SIPA1L2: variants seen among roughly 807,000 people sequenced by gnomAD.
The protein encoded by SIPA1L2 is signal-induced proliferation-associated 1-like protein 2.
In SIPA1L2, 56 loss-of-function variants were observed where a neutral mutation model predicts 163.9. The ratio of observed to expected loss-of-function variants is 0.34; its 90% CI spans 0.28 to 0.43. The LOEUF (loss-of-function observed/expected upper bound fraction) is 0.43. Ranked by LOEUF, SIPA1L2 falls within the 20% of genes least tolerant of loss-of-function variation. The probability of loss-of-function intolerance (pLI) is 1.00; values close to 1 mark genes in which losing one functional copy is unlikely to be tolerated. For missense variants in SIPA1L2, 1,974 were observed against 2,193.5 expected, an observed-to-expected ratio of 0.90 and a Z score of 2.00; for synonymous variants, 877 against 865.7, an observed-to-expected ratio of 1.01 and a Z score of -0.23.
chr1:232,510,097 G>A (rs1478591633), intron 3 of SIPA1L2, among the ~76,000 whole-genome samples: 2 of 152,076 alleles, frequency 1.3e-5, no homozygotes, highest in African/African-American at 4.8e-5. Context: ...CATACATGAC[G>A]GTGGTCCCAT....
chr1:232,524,564 T>C (rs1016956257), intron 2 of SIPA1L2, among the ~76,000 whole-genome samples: 2 of 152,122 alleles, frequency 1.3e-5, no homozygotes, highest in African/African-American at 4.8e-5. Flanking sequence ...AAAACTTATA[T>C]AGAAAAATAT....
intron 1 of SIPA1L2, among the ~76,000 whole-genome samples, chr1:232,600,448 G>T (rs1435398666): frequency 6.6e-6 from 1 of 152,090 alleles, no homozygotes; most frequent in Non-Finnish European, 1.5e-5. Context: ...TACCTCATGT[G>T]GACAAAGCCT....
rs1425110874 is a variant in SIPA1L2 at position 232,510,321 on chromosome 1, C to T, written c.1483+3536G>A. Among the ~76,000 whole-genome samples, 12 of 152,028 alleles carry T rather than the reference C, an allele frequency of 7.9e-5. No individual in the cohort carries two copies. The East Asian group carries it at 1.7e-3, about 22-fold the overall frequency. ...ACGCAATGACGAAATTGCCTAATAA[C>T]ACATTTCTCAGACCATATCCCTGTT... On this transcript the variant is annotated intron_variant, in intron 3 of 22. Coordinates refer to ENST00000674635, the MANE Select transcript of SIPA1L2 (RefSeq NM_020808.5).
intron 10 of SIPA1L2, among the ~76,000 whole-genome samples, chr1:232,449,127 G>C (rs1663394236): frequency 6.6e-6 from 1 of 152,136 alleles, no homozygotes; most frequent in Non-Finnish European, 1.5e-5. Context: ...CGCTGAAGAA[G>C]AGGTGGAACT....
At chr1:232,544,226 A>T (rs1263975154) in intron 2 of SIPA1L2, among the ~76,000 whole-genome samples, 1 of 152,156 alleles carries the variant, frequency 6.6e-6, no homozygotes, top group Non-Finnish European at 1.5e-5. Flanking sequence ...GGACATAGGC[A>T]ATGTTTTACA....
chr1:232,432,160 A>G (rs1662279942), intron 16 of SIPA1L2, 87 bp downstream of exon 16: 1 of 1,061,060 alleles, frequency 9.4e-7, no homozygotes. Context: ...TTTAGAAAAT[A>G]CATTTCCTTT....
intron 2 of SIPA1L2, among the ~76,000 whole-genome samples, chr1:232,539,914 T>C (rs1015088115): frequency 1.3e-5 from 2 of 152,222 alleles, no homozygotes; most frequent in Admixed American, 1.3e-4. Context: ...AAGGTCTGTG[T>C]CTAACTTGTT....
chr1:232,551,395 G>A (rs1410518045), intron 2 of SIPA1L2, among the ~76,000 whole-genome samples: 2 of 152,208 alleles, frequency 1.3e-5, no homozygotes, highest in Non-Finnish European at 2.9e-5. Context: ...AAGGAACATT[G>A]GCTGCCAGCA....
chr1:232,583,219 G>A (rs934694905), intron 1 of SIPA1L2, among the ~76,000 whole-genome samples: 5 of 152,042 alleles, frequency 3.3e-5, no homozygotes, highest in Admixed American at 1.3e-4. Context: ...TTTTAGTATG[G>A]GAAGCAGGGA....
At chr1:232,557,935 A>G (rs1440588481) in intron 2 of SIPA1L2, among the ~76,000 whole-genome samples, 1 of 152,246 alleles carries the variant, frequency 6.6e-6, no homozygotes, top group Non-Finnish European at 1.5e-5. Flanking sequence ...ATACATTTAA[A>G]ACACTCAGAC....
intron 1 of SIPA1L2, among the ~76,000 whole-genome samples, chr1:232,620,704 A>G (rs1355021490): frequency 9.9e-5 from 15 of 152,230 alleles, no homozygotes. Context: ...CGTCAGAGCT[A>G]TTCTGACTGG....
At chr1:232,438,761 C>T (rs974317205) in intron 15 of SIPA1L2, among the ~76,000 whole-genome samples, 1 of 152,182 alleles carries the variant, frequency 6.6e-6, no homozygotes, top group Non-Finnish European at 1.5e-5. Flanking sequence ...CTACTATGGT[C>T]TGAAGATTAG....
chr1:232,420,940 TCA>T (rs1016934810), intron 18 of SIPA1L2, among the ~76,000 whole-genome samples: 4 of 152,248 alleles, frequency 2.6e-5, no homozygotes, highest in African/African-American at 7.2e-5. Context: ...AACAAGTTTC[TCA>T]CAGAGTTTTT....
At chr1:232,545,200 C>G (rs1657958419) in intron 2 of SIPA1L2, among the ~76,000 whole-genome samples, 1 of 152,254 alleles carries the variant, frequency 6.6e-6, no homozygotes, top group Non-Finnish European at 1.5e-5. Context: ...TAAGCGTAAA[C>G]TCTTCTACAA....
chr1:232,625,443 G>A (rs1409342170), intron 1 of SIPA1L2, among the ~76,000 whole-genome samples: 2 of 152,166 alleles, frequency 1.3e-5, no homozygotes, highest in Non-Finnish European at 2.9e-5. Context: ...AAACCACAGC[G>A]CAATAAATGT....
chr1:232,512,111 CAT>C (rs1271123116), intron 3 of SIPA1L2, among the ~76,000 whole-genome samples: 3 of 152,132 alleles, frequency 2.0e-5, no homozygotes, highest in Non-Finnish European at 4.4e-5. Flanking sequence ...GGCCAACAAA[CAT>C]ATGAAAAAAG....
At chr1:232,608,736 C>G (rs779599388) in intron 1 of SIPA1L2, among the ~76,000 whole-genome samples, 1 of 152,140 alleles carries the variant, frequency 6.6e-6, no homozygotes, top group Non-Finnish European at 1.5e-5. Context: ...CTGATAAGCA[C>G]TCCAACTAAG....
chr1:232,440,386 C>T (rs1662817551), intron 14 of SIPA1L2, among the ~76,000 whole-genome samples: 1 of 152,202 alleles, frequency 6.6e-6, no homozygotes, highest in Non-Finnish European at 1.5e-5. Flanking sequence ...CCTATCAGAT[C>T]CTTAAGCAAA....
chr1:232,532,053 T>G (rs953760807), intron 2 of SIPA1L2, among the ~76,000 whole-genome samples: 1 of 152,168 alleles, frequency 6.6e-6, no homozygotes, highest in African/African-American at 2.4e-5. Flanking sequence ...GAGATCTGAC[T>G]TAGCCATTCT....
Sources: gnomAD v4.1 joint callset for allele counts (sites outside exome capture counted in the v4.1 genomes callset) on GRCh38, gnomAD v4.1.1 for gene constraint, MANE v1.5 for transcripts, NCBI Gene and HGNC (gene_info 2026-07-23, HGNC 2026-07-21) for gene names.